Variants in NCKAP5 observed in about 807,000 individuals in gnomAD.
The protein encoded by NCKAP5 is NCK associated protein 5.
Under a neutral mutation model 167.0 loss-of-function variants are expected in NCKAP5, and 92 were observed. The observed-to-expected ratio is 0.55, with a 90% CI of 0.47 to 0.66. The LOEUF is 0.66. Among genes scored for constraint, NCKAP5 ranks in the 30% least tolerant of loss-of-function variants. The pLI is 0.00. For missense variants in NCKAP5, 2,378 were observed against 2,315.0 expected, an observed-to-expected ratio of 1.03 and a Z score of -0.56; for synonymous variants, 891 against 877.4, an observed-to-expected ratio of 1.02 and a Z score of -0.27.
At chr2:132,993,994 G>T (rs975774271) in intron 7 of NCKAP5, among the ~76,000 whole-genome samples, 158 bp downstream of exon 7, 1 of 152,312 alleles carries the variant, frequency 6.6e-6, no homozygotes, top group East Asian at 1.9e-4. Flanking sequence ...TTGAATAAAC[G>T]TGTATGATTC....
In NCKAP5 at chr2:132,725,720, C is replaced by G; in HGVS notation, c.5620G>C (p.Gly1874Arg). Residue 1874 changes from glycine to arginine, a missense_variant, in exon 19 of 20, where the codon GGC becomes CGC. Around this residue, in one of 3 missense-constraint regions of NCKAP5, gnomAD observed 1,325 missense variants for 1,274.5 expected, o/e 1.04. Transcript: ENST00000409261. ...TCCAGGTCACTGTCACTATTACTGC[C>G]ACCGCTGGCAGAGTACGTACACATT... ...PRMCTYSASG[G>R]SNSDSDLDYG... 1 of 1,613,616 alleles carries G rather than the reference C, an allele frequency of 6.2e-7. No individual in the cohort carries two copies.
chr2:133,370,283 A>C (rs1321237528), intron 3 of NCKAP5, among the ~76,000 whole-genome samples: 2 of 152,242 alleles, frequency 1.3e-5, no homozygotes, highest in African/African-American at 4.8e-5. Context: ...GCAAGATTGC[A>C]TTTATCCAAA....
chr2:133,510,919 G>T (rs916944204), intron 3 of NCKAP5, among the ~76,000 whole-genome samples: 1 of 152,110 alleles, frequency 6.6e-6, no homozygotes, highest in Non-Finnish European at 1.5e-5. Context: ...TACCTTAAAG[G>T]GTTGTTGTTA....
the NCKAP5 span, among the ~76,000 whole-genome samples, chr2:133,645,782 T>G: frequency 1.3e-5 from 2 of 152,114 alleles, no homozygotes; most frequent in Non-Finnish European, 2.9e-5. Flanking sequence ...CAAGCTATAA[T>G]AATCACGGAT....
chr2:133,304,446 AT>A (rs1559367451), intron 3 of NCKAP5, among the ~76,000 whole-genome samples: 1 of 152,206 alleles, frequency 6.6e-6, no homozygotes, highest in Non-Finnish European at 1.5e-5. Context: ...ATAAACATTT[AT>A]TTTCAGGTGA....
In NCKAP5 at chr2:132,902,962, T is replaced by G. The variant is rs954791264; in HGVS notation, c.580-24046A>C. ...TAGGAGAGGTGGCTTTGGCATCCAC[T>G]TATGTAGGTGTGAATTCTGATTCCA... is the stretch of plus-strand genomic sequence containing the variant. On this transcript the variant is annotated intron_variant, in intron 8 of 19. Coordinates refer to ENST00000409261, the MANE Select transcript of NCKAP5 (RefSeq NM_207363.3). 1.4e-4 allele frequency among the ~76,000 whole-genome samples: 21 copies of G among 152,192 alleles called. 1 individual carries two copies. The highest frequency in any genetic ancestry group is 4.8e-4 in the African/African-American group (20 of 41,456).
At chr2:133,354,303 T>C (rs1684562497) in intron 3 of NCKAP5, among the ~76,000 whole-genome samples, 1 of 151,816 alleles carries the variant, frequency 6.6e-6, no homozygotes, top group South Asian at 2.1e-4. Context: ...CCTTTTTTTT[T>C]TTGAGACAGG....
intron 3 of NCKAP5, among the ~76,000 whole-genome samples, chr2:133,327,886 G>A (rs1262649247): frequency 6.6e-6 from 1 of 152,132 alleles, no homozygotes; most frequent in Non-Finnish European, 1.5e-5. Flanking sequence ...TGTCATACCT[G>A]GGAGAGAGGG....
chr2:133,488,058 C>T (rs1207328592), intron 3 of NCKAP5, among the ~76,000 whole-genome samples: 1 of 152,174 alleles, frequency 6.6e-6, no homozygotes, highest in African/African-American at 2.4e-5. Context: ...TAATCTCTCC[C>T]TGAACTTAAT....
At chr2:133,293,375 A>G (rs1559358077) in intron 4 of NCKAP5, among the ~76,000 whole-genome samples, 1 of 152,324 alleles carries the variant, frequency 6.6e-6, no homozygotes, top group South Asian at 2.1e-4. Flanking sequence ...CCCCCTAATT[A>G]GACACATGCA....
chr2:132,745,015 AT>A (rs373732429), intron 16 of NCKAP5, among the ~76,000 whole-genome samples: 1 of 151,922 alleles, frequency 6.6e-6, no homozygotes, highest in South Asian at 2.1e-4. Flanking sequence ...TCACTATTGA[AT>A]TCTTCAGAAT....
At chr2:133,570,672 A>G (rs778627074), upstream of NCKAP5, among the ~76,000 whole-genome samples, 1 of 152,188 alleles carries the variant, frequency 6.6e-6, no homozygotes, top group Non-Finnish European at 1.5e-5. Context: ...TTGACAAATG[A>G]AGTTTTAAGG....
intron 3 of NCKAP5, among the ~76,000 whole-genome samples, chr2:133,372,574 T>C (rs1369084766): frequency 6.6e-6 from 1 of 152,230 alleles, no homozygotes. Context: ...GCTGTTATCC[T>C]TGGGAATATC....
intron 7 of NCKAP5, among the ~76,000 whole-genome samples, chr2:132,984,477 T>A (rs1406672577): frequency 6.6e-6 from 1 of 152,174 alleles, no homozygotes; most frequent in Non-Finnish European, 1.5e-5. Flanking sequence ...AACACCTGAA[T>A]CTTGCAATGG....
chr2:132,762,010 G>A (rs1224727036), intron 16 of NCKAP5, among the ~76,000 whole-genome samples: 2 of 152,128 alleles, frequency 1.3e-5, no homozygotes, highest in Non-Finnish European at 2.9e-5. Context: ...AGAATTCTTG[G>A]GGGGTTATTT....
intron 7 of NCKAP5, among the ~76,000 whole-genome samples, chr2:132,971,055 C>T (rs963170861): frequency 4.6e-5 from 7 of 152,172 alleles, no homozygotes; most frequent in Non-Finnish European, 5.9e-5. Context: ...ACATGCTAGG[C>T]GCTGAGGAAT....
At chr2:133,057,682 AG>A (rs1380933387) in intron 6 of NCKAP5, among the ~76,000 whole-genome samples, 4 of 152,260 alleles carry the variant, frequency 2.6e-5, no homozygotes, top group African/African-American at 9.6e-5. Flanking sequence ...GTTTAAGGAA[AG>A]ATGCCAATAC....
chr2:133,248,595 C>T (rs566191143), intron 4 of NCKAP5, among the ~76,000 whole-genome samples: 2 of 152,346 alleles, frequency 1.3e-5, no homozygotes, highest in Middle Eastern at 3.4e-3. Context: ...GGCCATGTGT[C>T]CTTGCTCAAC....
chr2:133,143,255 C>T (rs943559659), intron 5 of NCKAP5, among the ~76,000 whole-genome samples: 6 of 152,184 alleles, frequency 3.9e-5, no homozygotes, highest in Non-Finnish European at 8.8e-5. Context: ...GTACCACTGT[C>T]AATCAGAACA....
Sources: gnomAD v4.1 joint callset for allele counts (sites outside exome capture counted in the v4.1 genomes callset) on GRCh38, gnomAD v4.1.1 for gene constraint, gnomAD v4.1.1 regional missense constraint, MANE v1.5 for transcripts, NCBI Gene and HGNC (gene_info 2026-07-23, HGNC 2026-07-21) for gene names.